The following SULF2 variants were observed in gnomAD, a reference collection of about 807,000 sequenced individuals.
The protein encoded by SULF2 is extracellular sulfatase Sulf-2.
A neutral mutation model predicts 107.7 loss-of-function variants in SULF2; 52 were observed. The observed-to-expected ratio is 0.48, with a 90% CI of 0.39 to 0.61. SULF2 has a LOEUF of 0.61. SULF2 is among the 20% of genes least tolerant of loss of function. The pLI, the probability that SULF2 is intolerant of heterozygous loss-of-function variation, is 0.00. For synonymous variants in SULF2, 460 were observed against 464.3 expected (o/e 0.99, Z 0.12); for missense variants, 993 against 1,177.3 (o/e 0.84, Z 2.29).
intron 4 of SULF2, among the ~76,000 whole-genome samples, chr20:47,701,414 G>A (rs117663895): frequency 3.2e-4 from 49 of 152,268 alleles, no homozygotes; most frequent in African/African-American, 1.2e-3. Context: ...TTCATCCAGC[G>A]GTCCACTTAA....
chr20:47,725,065 C>T (rs550132141), intron 3 of SULF2, among the ~76,000 whole-genome samples: 93 of 152,264 alleles, frequency 6.1e-4, no homozygotes, highest in African/African-American at 2.2e-3. Context: ...AGGCACAACA[C>T]AGTAGTCAGG....
chr20:47,677,400 C>CTGTGTGTGTGTGTG (rs58936261), intron 8 of SULF2, among the ~76,000 whole-genome samples: 33 of 143,916 alleles, frequency 2.3e-4, no homozygotes, highest in Admixed American at 2.1e-4. Context: ...ACCCAAGTAA[C>CTGTGTGTGTGTGTG]TGTGTGTGTG....
intron 1 of SULF2, among the ~76,000 whole-genome samples, chr20:47,776,306 G>C (rs1418839648): frequency 1.3e-5 from 2 of 152,218 alleles, no homozygotes; most frequent in African/African-American, 2.4e-5. Flanking sequence ...GCTGAACAGA[G>C]CCCCTGGTTA....
intron 3 of SULF2, among the ~76,000 whole-genome samples, chr20:47,729,491 C>T (rs2089536185): frequency 1.3e-5 from 2 of 152,006 alleles, no homozygotes; most frequent in South Asian, 2.1e-4. Context: ...GACAGTGGCG[C>T]GGATGGGCTG....
chr20:47,728,513 C>T (rs1434691608), intron 3 of SULF2, among the ~76,000 whole-genome samples: 2 of 151,954 alleles, frequency 1.3e-5, no homozygotes, highest in Admixed American at 1.3e-4. Context: ...CTGGCGGGGA[C>T]AGAATGTGGA....
At chr20:47,713,942 T>A (rs2089019098) in intron 3 of SULF2, among the ~76,000 whole-genome samples, 1 of 151,034 alleles carries the variant, frequency 6.6e-6, no homozygotes, top group Non-Finnish European at 1.5e-5. Flanking sequence ...ACTCCAGTAA[T>A]GAGCTTGGGG....
At chr20:47,713,767 T>C (rs1315409070) in intron 3 of SULF2, among the ~76,000 whole-genome samples, 2 of 149,954 alleles carry the variant, frequency 1.3e-5, no homozygotes, top group African/African-American at 4.9e-5. Context: ...AAAAAAATAA[T>C]AAAAAACAAA....
intron 2 of SULF2, 52 bp downstream of exon 2, chr20:47,757,137 A>T (rs2090310178): frequency 6.7e-7 from 1 of 1,483,056 alleles, no homozygotes; most frequent in African/African-American, 1.4e-5. Context: ...AGCCTAACCC[A>T]GGGACCCTGC....
In SULF2 at chr20:47,694,223, G is replaced by A. The variant is rs2088298149; in HGVS notation, c.568-3928C>T. Among the ~76,000 whole-genome samples the A allele has an allele frequency of 6.6e-6, 1 of 152,200 alleles. No homozygotes were observed. The highest frequency in any genetic ancestry group is 2.4e-5 in the African/African-American group (1 of 41,454). On this transcript the variant is annotated intron_variant, in intron 4 of 20. Coordinates refer to ENST00000688720, the MANE Select transcript of SULF2 (RefSeq NM_001387048.1). The surrounding 1 kb of genome is among the most constrained non-coding windows in gnomAD (Gnocchi z 4.4). Reference sequence around the variant, plus strand: ...CTCTGAGGGAGAGAACAGGAGGCCTGGGCCAGGGTGGCGGGGGCAGCATCC... The same window carrying A: ...CTCTGAGGGAGAGAACAGGAGGCCTAGGCCAGGGTGGCGGGGGCAGCATCC...
chr20:47,775,121 C>T (rs1056515220), intron 1 of SULF2, among the ~76,000 whole-genome samples: 20 of 152,198 alleles, frequency 1.3e-4, no homozygotes, highest in African/African-American at 4.3e-4. Context: ...GGTATTCAAA[C>T]CCTTGTGTGG....
At chr20:47,733,616 T>TA (rs1448683969) in intron 3 of SULF2, among the ~76,000 whole-genome samples, 1 of 152,048 alleles carries the variant, frequency 6.6e-6, no homozygotes, top group Admixed American at 6.6e-5. Context: ...CTACAAAAAA[T>TA]ACAAAAATTA....
At chr20:47,736,415 T>C (rs1438401543) in intron 3 of SULF2, among the ~76,000 whole-genome samples, 2 of 152,186 alleles carry the variant, frequency 1.3e-5, no homozygotes, top group South Asian at 2.1e-4. Flanking sequence ...AACTCATGCA[T>C]GGGCACCTTA....
Position 47,684,452 on chromosome 20 carries a change from C to T in SULF2, c.867G>A (p.Ser289=), listed in dbSNP as rs553303831. ...CTACCGTCTCCATGGAGTCGTCCAC[C>T]GACATGAGGGTCTGCAAGCGCTTCC... is the stretch of plus-strand genomic sequence containing the variant. The part of the protein sequence containing the change: ...LQRKRLQTLM[S]VDDSMETIYN... The change falls in exon 6 of 21, where the codon TCG becomes TCA. Residue 289 remains serine, a synonymous_variant. Transcript: ENST00000688720. 2.5e-5 allele frequency: 40 copies of T among 1,612,570 alleles called. No individual in the cohort carries two copies. Among genetic ancestry groups the T allele is most frequent in the South Asian group, 2.1e-4 (19 of 90,974 alleles).
At chr20:47,750,096 C>A (rs1034854547) in intron 2 of SULF2, among the ~76,000 whole-genome samples, 1 of 152,262 alleles carries the variant, frequency 6.6e-6, no homozygotes. Context: ...AATCTCCTGC[C>A]TCAGCCTCCC....
chr20:47,692,514 G>T (rs1350327271), intron 4 of SULF2, among the ~76,000 whole-genome samples: 1 of 152,218 alleles, frequency 6.6e-6, no homozygotes, highest in Non-Finnish European at 1.5e-5. Context: ...CAGCTCAAGT[G>T]ATCCTCCTGC....
intron 2 of SULF2, among the ~76,000 whole-genome samples, chr20:47,737,168 G>A (rs1434039856): frequency 6.6e-6 from 1 of 152,160 alleles, no homozygotes; most frequent in Non-Finnish European, 1.5e-5. Flanking sequence ...CAGGTCTGGA[G>A]TCTGGAGGAT....
At chr20:47,752,846 G>A (rs529557329) in intron 2 of SULF2, among the ~76,000 whole-genome samples, 10 of 151,956 alleles carry the variant, frequency 6.6e-5, no homozygotes, top group South Asian at 2.1e-4. Flanking sequence ...TCACGCCTGC[G>A]ATCCCAGCAT....
chr20:47,762,760 C>T lies in SULF2; in HGVS notation c.-100-5297G>A, dbSNP rs113449903. On this transcript the variant is annotated intron_variant, in intron 1 of 20. Transcript: ENST00000688720. Reference sequence around the variant, plus strand: ...CCCTGGGCTGGGTAAAGATGGAGCCCGGGGCACAGTCAGCTGGACTTCGTT... The same window carrying T: ...CCCTGGGCTGGGTAAAGATGGAGCCTGGGGCACAGTCAGCTGGACTTCGTT... Among the ~76,000 whole-genome samples, 3 of 152,302 alleles carry T rather than the reference C, an allele frequency of 2.0e-5. No individual in the cohort carries two copies. The East Asian group carries it at 5.8e-4, about 29-fold the overall frequency.
intron 17 of SULF2, 135 bp downstream of exon 17, chr20:47,662,935 C>T (rs1159821247): frequency 1.0e-6 from 1 of 989,476 alleles, no homozygotes; most frequent in Non-Finnish European, 1.5e-6. Context: ...AGCAGCTTCA[C>T]AACTTACTCC....
Sources: allele counts gnomAD v4.1 joint callset (sites outside exome capture counted in the v4.1 genomes callset), GRCh38; gene constraint gnomAD v4.1.1; non-coding constraint Gnocchi (gnomAD v3.1); transcripts MANE v1.5; gene names NCBI Gene and HGNC (gene_info 2026-07-23, HGNC 2026-07-21).